Variants in USF3 observed in about 807,000 individuals in gnomAD.
USF3 encodes basic helix-loop-helix domain-containing protein USF3.
Under a neutral mutation model 157.5 loss-of-function variants are expected in USF3, and 29 were observed. The ratio of observed to expected loss-of-function variants is 0.18; its 90% CI spans 0.14 to 0.25. USF3 has a LOEUF of 0.25. Ranked by LOEUF, USF3 falls within the 10% of genes least tolerant of loss-of-function variation. USF3 has a pLI of 1.00. For missense variants in USF3, 2,381 were observed against 2,667.6 expected (o/e 0.89, Z 2.37); for synonymous variants, 893 against 941.4 (o/e 0.95, Z 0.94).
chr3:113,670,087 A>C (rs1707112676), intron 5 of USF3, 34 bp downstream of exon 5: 7 of 1,372,050 alleles, frequency 5.1e-6, no homozygotes, highest in Non-Finnish European at 7.3e-6. Context: ...GTCTGTTCAT[A>C]AGTAATGAAT....
intron 1 of USF3, among the ~76,000 whole-genome samples, chr3:113,682,160 C>CA (rs1707447760): frequency 6.6e-6 from 1 of 152,004 alleles, no homozygotes; most frequent in African/African-American, 2.4e-5. Context: ...CCTATCTCTA[C>CA]AAAAAATAGA....
chr3:113,657,191 A>G lies in USF3; in HGVS notation c.4491T>C (p.His1497=). 6.2e-7 allele frequency: 1 copy of G among 1,614,150 alleles called. No homozygotes were observed. Among genetic ancestry groups the G allele is most frequent in the Non-Finnish European group, 8.5e-7 (1 of 1,180,022 alleles). ...HLYQMQHHVP[H]AESSVHSQPH... is the part of the protein sequence containing the mutation. ...GCTGAGAGTGGACAGAGCTCTCTGC[A>G]TGAGGTACATGATGCTGCATTTGAT... The change falls in exon 7 of 7, where the codon CAT becomes CAC. Residue 1497 remains histidine (H), a synonymous_variant. Coordinates refer to ENST00000316407, the MANE Select transcript of USF3 (RefSeq NM_001009899.4).
chr3:113,693,643 T>C (rs1707737798), intron 1 of USF3, among the ~76,000 whole-genome samples: 1 of 152,186 alleles, frequency 6.6e-6, no homozygotes, highest in African/African-American at 2.4e-5. Flanking sequence ...AAATATTCCT[T>C]AGCATAACAT....
intron 4 of USF3, among the ~76,000 whole-genome samples, chr3:113,670,637 G>A (rs1707132369): frequency 6.6e-6 from 1 of 151,812 alleles, no homozygotes; most frequent in South Asian, 2.1e-4. Flanking sequence ...GGGAGCGGAA[G>A]GGGAAGGGGA....
At position 113,658,885 on chromosome 3, in the gene USF3, CT is replaced by C; in HGVS notation, c.2796del (p.Asp933MetfsTer12). The C allele has an allele frequency of 6.2e-7, 1 of 1,614,178 alleles. No homozygotes were observed. Among genetic ancestry groups the C allele is most frequent in the Non-Finnish European group, 8.5e-7 (1 of 1,180,038 alleles). On this transcript the variant is annotated frameshift_variant, in exon 7 of 7. Coordinates refer to ENST00000316407, the MANE Select transcript of USF3 (RefSeq NM_001009899.4). LOFTEE classifies it high-confidence loss of function. ...QDKPPSSLAL[S>X]DAAKPCASAN... is the part of the protein sequence containing the mutation. Reference sequence around the variant, plus strand: ...GCTGAAGCGCAGGGTTTGGCAGCATCTGATAATGCTAAACTACTTGGTGGTT... The same window carrying C: ...GCTGAAGCGCAGGGTTTGGCAGCATCGATAATGCTAAACTACTTGGTGGTT...
chr3:113,660,719 G>A lies in USF3; in HGVS notation c.963C>T (p.Cys321=), dbSNP rs200919691. 78 of 1,614,086 alleles carry A rather than the reference G, an allele frequency of 4.8e-5. No homozygotes were observed. The highest frequency in any genetic ancestry group is 3.7e-5 in the Non-Finnish European group (44 of 1,180,032). The change falls in exon 7 of 7, where the codon TGC becomes TGT. Residue 321 remains cysteine, a synonymous_variant. Transcript: ENST00000316407. ...CACCTCTGAAGTCCTGTATGCTCAG[G>A]CAGGACTTGTTTCCATGGTGCACTT... ...ATKVHHGNKS[C]LSIQDFRGDF...
intron 1 of USF3, among the ~76,000 whole-genome samples, chr3:113,693,033 A>G (rs747406843): frequency 1.3e-5 from 2 of 152,238 alleles, no homozygotes; most frequent in African/African-American, 4.8e-5. Flanking sequence ...CCTTTAACAA[A>G]TCTATAATAG....
Position 113,654,921 on chromosome 3 carries a change from C to A in USF3, c.*23G>T, listed in dbSNP as rs1283146945. 1 of 1,589,794 alleles carries A rather than the reference C, an allele frequency of 6.3e-7. No individual in the cohort carries two copies. Among genetic ancestry groups the A allele is most frequent in the Non-Finnish European group, 8.6e-7 (1 of 1,166,566 alleles). On this transcript the variant is annotated 3_prime_UTR_variant, in exon 7 of 7. Transcript: ENST00000316407. ...ATACATTTGTAATCTCACTCATTAC[C>A]TTTACATTTTGTTTATCAGTATTTA...
rs1947402834 is a variant in USF3, at chr3:113,658,151, T to C, written c.3531A>G (p.Lys1177=). ...TGCCACTCTCTTTAGGTATCTGTGATTTGAAGGGTGGGTCTCCCTCTAACA... is the reference window on the plus strand; with the variant it reads ...TGCCACTCTCTTTAGGTATCTGTGACTTGAAGGGTGGGTCTCCCTCTAACA... ...ASLLEGDPPF[K]SQIPKESGTG... The change falls in exon 7 of 7, where the codon AAA becomes AAG. Residue 1177 remains lysine (K), a synonymous_variant. Coordinates refer to ENST00000316407, the MANE Select transcript of USF3 (RefSeq NM_001009899.4). 1.2e-6 allele frequency: 2 copies of C among 1,614,194 alleles called. No individual in the cohort carries two copies. Among genetic ancestry groups the C allele is most frequent in the Non-Finnish European group, 1.7e-6 (2 of 1,180,028 alleles).
rs776235859 is a variant in USF3, at chr3:113,674,891, A to G, written c.-13T>C. On this transcript the variant is annotated 5_prime_UTR_variant, in exon 3 of 7. Coordinates refer to ENST00000316407, the MANE Select transcript of USF3 (RefSeq NM_001009899.4). ...TCATTTCTGGCATGGTTACAGTAAT[A>G]GGAACCTACAGAAGGATAGAAAGAC... 16 of 1,605,388 alleles carry G rather than the reference A, an allele frequency of 1.0e-5. No individual in the cohort carries two copies. Among genetic ancestry groups the G allele is most frequent in the African/African-American group, 1.3e-5 (1 of 74,740 alleles).
In USF3 at chr3:113,690,295, G is replaced by C. The variant is rs540379256; in HGVS notation, c.-135+6075C>G. Among the ~76,000 whole-genome samples, 34 of 152,194 alleles carry C rather than the reference G, an allele frequency of 2.2e-4. No homozygotes were observed. In the South Asian group the frequency reaches 3.5e-3, roughly 16 times the overall value. On this transcript the variant is annotated intron_variant, in intron 1 of 6. Coordinates refer to ENST00000316407, the MANE Select transcript of USF3 (RefSeq NM_001009899.4). ...AGATTAGGCCCCATTTTACACGTCTGGCCTTAAGCAGTCTTTGTTATTGCC... is the reference window on the plus strand; with the variant it reads ...AGATTAGGCCCCATTTTACACGTCTCGCCTTAAGCAGTCTTTGTTATTGCC...
rs372269644 is a variant in USF3, at chr3:113,660,058, C to G, written c.1624G>C (p.Ala542Pro). The G allele has an allele frequency of 4.3e-6, 7 of 1,614,096 alleles. No homozygotes were observed. In the African/African-American group the frequency reaches 9.3e-5, roughly 22 times the overall value. Residue 542 changes from alanine (A) to proline (P), a missense_variant, in exon 7 of 7, where the codon GCT (alanine) becomes CCT (proline). Ala to Pro is a conservative substitution (Grantham distance 27). This residue lies in a region of USF3 where 1,435 missense variants were observed against 1,550.9 expected (regional missense o/e 0.93). Transcript: ENST00000316407. ...VIQMAQPVGS[A>P]VNSAPTNQNV... ...TGATTAGTTGGAGCTGAATTAACAG[C>G]TGACCCAACTGGCTGAGCCATCTGA...
Position 113,656,054 on chromosome 3 carries a change from C to T in USF3, c.5628G>A (p.Arg1876=). 2 of 1,614,094 alleles carry T rather than the reference C, an allele frequency of 1.2e-6. No individual in the cohort carries two copies. Among genetic ancestry groups the T allele is most frequent in the Non-Finnish European group, 8.5e-7 (1 of 1,179,994 alleles). Residue 1876 remains arginine, a synonymous_variant, in exon 7 of 7, where the codon AGG becomes AGA. Coordinates refer to ENST00000316407, the MANE Select transcript of USF3 (RefSeq NM_001009899.4). ...HIRRESESQN[R]ESCDMSLGAI... is the part of the protein sequence containing the mutation. ...CACCTAACGACATGTCACAACTTTC[C>T]CTATTCTGACTCTCACTCTCTCTTC...
rs1365524916 is a variant in USF3 at position 113,655,200 on chromosome 3, G to T, written c.6482C>A (p.Pro2161His). ...AAAACTTGGTTGAGCAAACCCAACAGGTCTGGGAGGAGATAAAATTGATCC... is the reference window on the plus strand; with the variant it reads ...AAAACTTGGTTGAGCAAACCCAACATGTCTGGGAGGAGATAAAATTGATCC... ...RFGSILSPPR[P>H]VGFAQPSFPL... Residue 2161 changes from proline to histidine, a missense_variant, in exon 7 of 7, where the codon CCT becomes CAT. Physicochemically the swap from Pro to His is moderately conservative, Grantham distance 77. Coordinates refer to ENST00000316407, the MANE Select transcript of USF3 (RefSeq NM_001009899.4). The T allele has an allele frequency of 1.2e-6, 2 of 1,614,176 alleles. No individual in the cohort carries two copies. The highest frequency in any genetic ancestry group is 1.7e-5 in the Admixed American group (1 of 60,010).
chr3:113,690,570 C>T (rs1486748460), intron 1 of USF3, among the ~76,000 whole-genome samples: 3 of 152,158 alleles, frequency 2.0e-5, no homozygotes, highest in Admixed American at 1.3e-4. Flanking sequence ...ATGCCATCTA[C>T]CCTTCCCTCC....
rs765803025 is a variant in USF3, at chr3:113,660,431, A to C, written c.1251T>G (p.Ile417Met). The C allele has an allele frequency of 6.2e-7, 1 of 1,614,154 alleles. No homozygotes were observed. Among genetic ancestry groups the C allele is most frequent in the Non-Finnish European group, 8.5e-7 (1 of 1,180,008 alleles). ...CTGAAGAGATTCGTGTAAGGCTATT[A>C]ATGTTTTTCAAATCTGAAGTACTAA... Reference protein sequence around the residue: ...SSVSTSDLKNINSLTRISSAG... With the variant: ...SSVSTSDLKNMNSLTRISSAG... Residue 417 changes from isoleucine (I) to methionine (M), a missense_variant, in exon 7 of 7, where the codon ATT becomes ATG. This residue lies in a region of USF3 where 1,435 missense variants were observed against 1,550.9 expected (regional missense o/e 0.93). Coordinates refer to ENST00000316407, the MANE Select transcript of USF3 (RefSeq NM_001009899.4).
Position 113,655,336 on chromosome 3 carries a change from G to T in USF3, c.6346C>A (p.Pro2116Thr), listed in dbSNP as rs367893840. ...TCATTGGACAGTGTAGGATGAGCAG[G>T]AGAGTATGGAGGATAGAAGGAGGGC... is the stretch of plus-strand genomic sequence containing the variant. ...TLPSFYPPYS[P>T]AHPTLSNDIS... is the part of the protein sequence containing the mutation. The change falls in exon 7 of 7, where the codon CCT becomes ACT. Residue 2116 changes from proline (P) to threonine (T), a missense_variant. Transcript: ENST00000316407. The T allele has an allele frequency of 5.0e-6, 8 of 1,613,998 alleles. No homozygotes were observed. The highest frequency in any genetic ancestry group is 6.8e-6 in the Non-Finnish European group (8 of 1,179,960).
In USF3 at chr3:113,659,857, C is replaced by T; in HGVS notation, c.1825G>A (p.Ala609Thr). 6.2e-7 allele frequency: 1 copy of T among 1,614,216 alleles called. No homozygotes were observed. The change falls in exon 7 of 7, where the codon GCC becomes ACC. Residue 609 changes from alanine to threonine, a missense_variant. Physicochemically the swap from Ala to Thr is moderately conservative, Grantham distance 58. Coordinates refer to ENST00000316407, the MANE Select transcript of USF3 (RefSeq NM_001009899.4). The part of the protein sequence containing the change: ...PGSVRLPING[A>T]NTVIGSNNSV... ...TTATTAGACCCTATTACAGTATTGG[C>T]TCCATTGATGGGGAGTCGAACAGAA...
chr3:113,648,612 A>G lies in USF3; in HGVS notation c.*6332T>C, dbSNP rs1304780266. 1 of 152,644 alleles carries G rather than the reference A, an allele frequency of 6.6e-6. No individual in the cohort carries two copies. The highest frequency in any genetic ancestry group is 1.9e-4 in the East Asian group (1 of 5,198). 9.5% of individuals were successfully genotyped at this position (152,644 alleles called of 1,614,324 possible). The stretch of plus-strand genomic sequence containing the variant: ...TTACAACTGTAGGACAATCCTGATC[A>G]TATTATACATATCTGCTCTGGATTC... On this transcript the variant is annotated 3_prime_UTR_variant, in exon 7 of 7. Coordinates refer to ENST00000316407, the MANE Select transcript of USF3 (RefSeq NM_001009899.4).
Sources: gnomAD v4.1 joint callset for allele counts (sites outside exome capture counted in the v4.1 genomes callset) on GRCh38, gnomAD v4.1.1 for gene constraint, gnomAD v4.1.1 regional missense constraint, MANE v1.5 for transcripts, NCBI Gene and HGNC (gene_info 2026-07-23, HGNC 2026-07-21) for gene names.